The following EIF4EBP2 variants were observed in gnomAD, a reference collection of about 807,000 sequenced individuals.
EIF4EBP2 encodes eukaryotic translation initiation factor 4E-binding protein 2.
In EIF4EBP2, 5 loss-of-function variants were observed where a neutral mutation model predicts 10.3. That is an observed-to-expected ratio of 0.48 (90% confidence interval 0.25 to 1.02). The LOEUF (loss-of-function observed/expected upper bound fraction) is 1.02. EIF4EBP2 is among the 50% of genes least tolerant of loss of function. EIF4EBP2 has a pLI of 0.15. For synonymous variants in EIF4EBP2, 67 were observed against 61.1 expected, an observed-to-expected ratio of 1.10 and a Z score of -0.45; for missense variants, 188 against 162.2, an observed-to-expected ratio of 1.16 and a Z score of -0.86.
intron 1 of EIF4EBP2, among the ~76,000 whole-genome samples, chr10:70,407,521 C>T (rs1187849253): frequency 6.6e-6 from 1 of 152,134 alleles, no homozygotes; most frequent in Non-Finnish European, 1.5e-5. Context: ...CCTCTTTCTA[C>T]ACAGACACGG....
At chr10:70,414,210 T>C (rs1845070620) in intron 1 of EIF4EBP2, among the ~76,000 whole-genome samples, 1 of 152,230 alleles carries the variant, frequency 6.6e-6, no homozygotes, top group Non-Finnish European at 1.5e-5. Context: ...TAATTTTTTT[T>C]CTTTGAATAA....
chr10:70,420,246 C>A, intron 2 of EIF4EBP2, 147 bp downstream of exon 2: 1 of 758,638 alleles, frequency 1.3e-6, no homozygotes, highest in Non-Finnish European at 2.0e-6. Flanking sequence ...GTCACTGAGG[C>A]TGGAGTGCAG....
chr10:70,408,315 C>G (rs1027083196), intron 1 of EIF4EBP2, among the ~76,000 whole-genome samples: 2 of 152,180 alleles, frequency 1.3e-5, no homozygotes, highest in Non-Finnish European at 2.9e-5. Flanking sequence ...CCGGACGGGG[C>G]GGCTTAGCCA....
intron 2 of EIF4EBP2, 131 bp downstream of exon 2, chr10:70,420,230 C>CAAAA: frequency 3.5e-6 from 3 of 858,256 alleles, no homozygotes; most frequent in Non-Finnish European, 5.1e-6. Context: ...GACACAGTCT[C>CAAAA]ATTCTGTCAC....
At position 70,404,553 on chromosome 10, in the gene EIF4EBP2, G is replaced by T. The variant is rs757356012; in HGVS notation, c.145+7G>T. ...TTCTCCACCACACCGGGAGGTGAGC[G>T]CCGGCCAGCCGTCCGCCGCGCCCGG... is the stretch of plus-strand genomic sequence containing the variant. On this transcript the variant is annotated splice_region_variant and intron_variant, in intron 1 of 2. Transcript: ENST00000373218. 2 of 1,548,254 alleles carry T rather than the reference G, an allele frequency of 1.3e-6. No homozygotes were observed. Among genetic ancestry groups the T allele is most frequent in the African/African-American group, 2.9e-5 (2 of 69,986 alleles).
intron 1 of EIF4EBP2, among the ~76,000 whole-genome samples, chr10:70,410,323 G>A (rs1320321406): frequency 6.6e-6 from 1 of 151,926 alleles, no homozygotes; most frequent in African/African-American, 2.4e-5. Flanking sequence ...GCCCACCTCG[G>A]CCTCCCAGAG....
Position 70,426,639 on chromosome 10 carries a change from C to T in EIF4EBP2, c.*4892C>T, listed in dbSNP as rs1845208716. On this transcript the variant is annotated 3_prime_UTR_variant, in exon 3 of 3. Coordinates refer to ENST00000373218, the MANE Select transcript of EIF4EBP2 (RefSeq NM_004096.5). ...CTTCCCAGCATTTTCTTATCTGTAG[C>T]CCTGCTTGCTTGAGAGTATACTTGG... 6.6e-6 allele frequency: 1 copy of T among 152,208 alleles called. No homozygotes were observed. The highest frequency in any genetic ancestry group is 1.5e-5 in the Non-Finnish European group (1 of 68,042). 9.4% of individuals were successfully genotyped at this position (152,208 alleles called of 1,614,324 possible).
At chr10:70,414,704 C>T (rs1000994433) in intron 1 of EIF4EBP2, among the ~76,000 whole-genome samples, 2 of 152,000 alleles carry the variant, frequency 1.3e-5, no homozygotes, top group African/African-American at 4.8e-5. Context: ...CCCATCTCTA[C>T]TAAAAATACA....
chr10:70,408,916 A>G lies in EIF4EBP2; in HGVS notation c.145+4370A>G, dbSNP rs79873500. On this transcript the variant is annotated intron_variant, in intron 1 of 2. Coordinates refer to ENST00000373218, the MANE Select transcript of EIF4EBP2 (RefSeq NM_004096.5). The stretch of plus-strand genomic sequence containing the variant: ...GTATTGGAAATCTCTATTTAGTGGT[A>G]AGGGAGGGGATTAACATTTCCTGCC... Among the ~76,000 whole-genome samples the G allele has an allele frequency of 3.5e-3, 536 of 152,296 alleles. 16 individuals carry two copies. In the East Asian group the frequency reaches 0.059, roughly 17 times the overall value.
At position 70,424,773 on chromosome 10, in the gene EIF4EBP2, C is replaced by A. The variant is rs1442711309; in HGVS notation, c.*3026C>A. 6.6e-6 allele frequency: 1 copy of A among 152,166 alleles called. No individual in the cohort carries two copies. The highest frequency in any genetic ancestry group is 1.5e-5 in the Non-Finnish European group (1 of 68,032). 9.4% of individuals were successfully genotyped at this position (152,166 alleles called of 1,614,324 possible). ...CAGACATGCATTGTCATGATTCTGT[C>A]TTCTTTTTAGTGTGGTTTATTGAGT... On this transcript the variant is annotated 3_prime_UTR_variant, in exon 3 of 3. Transcript: ENST00000373218.
Position 70,423,118 on chromosome 10 carries a change from A to G in EIF4EBP2, c.*1371A>G, listed in dbSNP as rs964856417. Reference sequence around the variant, plus strand: ...TGAGAAGTGACCTTTTATTTTTAAGATGACTACAGACCTATTTTTAGATAT... The same window carrying G: ...TGAGAAGTGACCTTTTATTTTTAAGGTGACTACAGACCTATTTTTAGATAT... On this transcript the variant is annotated 3_prime_UTR_variant, in exon 3 of 3. Coordinates refer to ENST00000373218, the MANE Select transcript of EIF4EBP2 (RefSeq NM_004096.5). The G allele has an allele frequency of 1.3e-5, 2 of 152,612 alleles. No individual in the cohort carries two copies. Among genetic ancestry groups the G allele is most frequent in the Non-Finnish European group, 2.9e-5 (2 of 68,038 alleles). The allele number at this position is 152,612 out of a possible 1,614,324, so 9.5% of individuals were successfully genotyped here.
chr10:70,420,950 A>C (rs1048097293), intron 2 of EIF4EBP2, among the ~76,000 whole-genome samples: 7 of 151,740 alleles, frequency 4.6e-5, no homozygotes, highest in Admixed American at 3.3e-4. Context: ...GCCTGCCACC[A>C]CGCCCGGCTA....
Position 70,422,704 on chromosome 10 carries a change from C to T in EIF4EBP2, c.*957C>T, listed in dbSNP as rs1342938611. 6.6e-6 allele frequency: 1 copy of T among 152,188 alleles called. No individual in the cohort carries two copies. 9.4% of individuals were successfully genotyped at this position (152,188 alleles called of 1,614,324 possible). A position where few individuals can be genotyped will look rare whatever the true frequency, so the allele number is the denominator to read the frequency against. On this transcript the variant is annotated 3_prime_UTR_variant, in exon 3 of 3. Transcript: ENST00000373218. ...TCTGTCAGATAATGCCTAAGAATGA[C>T]CGCTGAAGAACGTTGACCCATTTGA...
intron 1 of EIF4EBP2, among the ~76,000 whole-genome samples, chr10:70,414,404 A>G (rs1309614005): frequency 6.6e-6 from 1 of 152,196 alleles, no homozygotes; most frequent in Non-Finnish European, 1.5e-5. Context: ...TCCTGGCTAT[A>G]TTTGAGAACA....
chr10:70,411,104 T>C (rs549155415), intron 1 of EIF4EBP2, among the ~76,000 whole-genome samples: 37 of 152,364 alleles, frequency 2.4e-4, no homozygotes, highest in African/African-American at 8.9e-4. Context: ...CATTTTTAAT[T>C]GTACAGCTCA....
At chr10:70,413,609 CAAAAAAA>C (rs57681671) in intron 1 of EIF4EBP2, among the ~76,000 whole-genome samples, 7 of 97,368 alleles carry the variant, frequency 7.2e-5, no homozygotes, top group African/African-American at 1.6e-4. Context: ...CCCTGACTCT[CAAAAAAA>C]AAAAAAAAAA....
intron 1 of EIF4EBP2, among the ~76,000 whole-genome samples, chr10:70,412,690 A>C (rs987471361): frequency 6.6e-6 from 1 of 152,164 alleles, no homozygotes; most frequent in Non-Finnish European, 1.5e-5. Context: ...TTTTAGATTC[A>C]AAGGTAGATA....
chr10:70,416,759 G>A (rs960780451), intron 1 of EIF4EBP2, among the ~76,000 whole-genome samples: 1 of 151,302 alleles, frequency 6.6e-6, no homozygotes, highest in Non-Finnish European at 1.5e-5. Context: ...CCATCTCCTG[G>A]GCTTAAGTGA....
Position 70,404,330 on chromosome 10 carries a change from G to A in EIF4EBP2, c.-72G>A, listed in dbSNP as rs1020458362. On this transcript the variant is annotated 5_prime_UTR_variant, in exon 1 of 3. Transcript: ENST00000373218. ...GAGCGCGCTTTTCCGTCCGCCTGAG[G>A]AGCCGAAGCAGCCCCGGCCCCGCCG... is the stretch of plus-strand genomic sequence containing the variant. The A allele has an allele frequency of 2.7e-6, 4 of 1,455,868 alleles. No homozygotes were observed. The highest frequency in any genetic ancestry group is 1.5e-5 in the African/African-American group (1 of 66,876). 90.2% of individuals were successfully genotyped at this position (1,455,868 alleles called of 1,614,324 possible). A position where few individuals can be genotyped will look rare whatever the true frequency, so the allele number is the denominator to read the frequency against.
Sources: gnomAD v4.1 joint callset for allele counts (sites outside exome capture counted in the v4.1 genomes callset) on GRCh38, gnomAD v4.1.1 for gene constraint, MANE v1.5 for transcripts, NCBI Gene and HGNC (gene_info 2026-07-23, HGNC 2026-07-21) for gene names.